Variants in VPS13A observed in about 807,000 individuals in gnomAD.
The protein encoded by VPS13A is vacuolar protein sorting 13 homolog A.
A neutral mutation model predicts 390.9 loss-of-function variants in VPS13A; 264 were observed. The observed-to-expected ratio is 0.68, with a 90% confidence interval of 0.61 to 0.75. The LOEUF (loss-of-function observed/expected upper bound fraction) is 0.75, where lower values mean the gene tolerates loss of function less well. VPS13A is among the 30% of genes least tolerant of loss of function. The pLI, the probability that VPS13A is intolerant of heterozygous loss-of-function variation, is 0.00. For missense variants in VPS13A, 3,409 were observed against 3,733.9 expected (o/e 0.91, Z 2.27); for synonymous variants, 1,231 against 1,227.1 (o/e 1.00, Z -0.07).
At chr9:77,200,911 G>A (rs1282754869) in intron 2 of VPS13A, among the ~76,000 whole-genome samples, 2 of 152,108 alleles carry the variant, frequency 1.3e-5, no homozygotes, top group African/African-American at 2.4e-5. Context: ...ATGTTTTTGC[G>A]AGTGGATATC....
At chr9:77,227,568 G>A in intron 16 of VPS13A, 83 bp downstream of exon 16, 1 of 1,100,448 alleles carries the variant, frequency 9.1e-7, no homozygotes, top group Non-Finnish European at 1.3e-6. Context: ...TGTTGCCCAG[G>A]CTGGACTGCA....
At chr9:77,360,089 A>T (rs958352379) in intron 58 of VPS13A, among the ~76,000 whole-genome samples, 2 of 152,058 alleles carry the variant, frequency 1.3e-5, no homozygotes, top group African/African-American at 4.8e-5. Flanking sequence ...ACCTATCTTT[A>T]TTTCCTTGCT....
At chr9:77,224,558 C>G (rs1054102865) in intron 13 of VPS13A, among the ~76,000 whole-genome samples, 3 of 152,078 alleles carry the variant, frequency 2.0e-5, no homozygotes. Flanking sequence ...GGTGGAAATA[C>G]GAAGAGAACT....
chr9:77,334,314 A>G (rs1000244453), intron 46 of VPS13A, among the ~76,000 whole-genome samples: 3 of 151,918 alleles, frequency 2.0e-5, no homozygotes, highest in Non-Finnish European at 4.4e-5. Context: ...TATTAGTTTG[A>G]TCTGTTTTTT....
At chr9:77,383,016 A>T in intron 68 of VPS13A, 1 of 985,278 alleles carries the variant, frequency 1.0e-6, no homozygotes, top group Non-Finnish European at 1.2e-6. Context: ...ACAAGGAATC[A>T]TTATGTTATG....
At chr9:77,189,403 G>T (rs1006194116) in intron 1 of VPS13A, among the ~76,000 whole-genome samples, 1 of 152,016 alleles carries the variant, frequency 6.6e-6, no homozygotes, top group Non-Finnish European at 1.5e-5. Flanking sequence ...GTTAAAATCA[G>T]ATGGTTGTAG....
intron 31 of VPS13A, among the ~76,000 whole-genome samples, chr9:77,289,268 T>C (rs781123012): frequency 3.3e-5 from 5 of 152,202 alleles, no homozygotes; most frequent in Non-Finnish European, 4.4e-5. Context: ...TTTAGATCTT[T>C]CTTTTTTATC....
intron 71 of VPS13A, 77 bp from the exon 72 acceptor site, chr9:77,415,879 A>G (rs1835151429): frequency 6.5e-7 from 1 of 1,546,672 alleles, no homozygotes. Context: ...GCTAACTTCT[A>G]GATCTCCATT....
At chr9:77,275,121 A>G (rs931990611) in intron 24 of VPS13A, among the ~76,000 whole-genome samples, 1 of 152,142 alleles carries the variant, frequency 6.6e-6, no homozygotes, top group Admixed American at 6.5e-5. Context: ...AGGTAGAGTG[A>G]GCATATTAAC....
At chr9:77,384,516 C>G in intron 68 of VPS13A, 1 of 1,593,960 alleles carries the variant, frequency 6.3e-7, no homozygotes, top group South Asian at 1.1e-5. Context: ...CATAATCTTA[C>G]ATGTTTTCAA....
At chr9:77,274,408 C>T (rs1402152303) in intron 24 of VPS13A, among the ~76,000 whole-genome samples, 2 of 126,768 alleles carry the variant, frequency 1.6e-5, no homozygotes, top group African/African-American at 6.0e-5. Flanking sequence ...AGCCTGGTGA[C>T]AGAGCGAGAG....
chr9:77,416,377 A>T lies in VPS13A; in HGVS notation c.*371A>T, dbSNP rs1441425649. 1 of 229,094 alleles carries T rather than the reference A, an allele frequency of 4.4e-6. No homozygotes were observed. Among genetic ancestry groups the T allele is most frequent in the Non-Finnish European group, 8.8e-6 (1 of 113,990 alleles). 14.2% of individuals were successfully genotyped at this position (229,094 alleles called of 1,614,324 possible). A position where few individuals can be genotyped will look rare whatever the true frequency, so the allele number is the denominator to read the frequency against. On this transcript the variant is annotated 3_prime_UTR_variant, in exon 72 of 72. Coordinates refer to ENST00000360280, the MANE Select transcript of VPS13A (RefSeq NM_033305.3). ...TTCATCTCCACATGGAGCCAAGTTTAATGTTTCTAGTTCACATTTTGTACT... is the reference window on the plus strand; with the variant it reads ...TTCATCTCCACATGGAGCCAAGTTTTATGTTTCTAGTTCACATTTTGTACT...
intron 26 of VPS13A, among the ~76,000 whole-genome samples, chr9:77,276,763 T>C (rs1416613831): frequency 6.6e-6 from 1 of 152,190 alleles, no homozygotes; most frequent in Non-Finnish European, 1.5e-5. Context: ...CAGTTGCTTT[T>C]TTGCACGTAG....
At chr9:77,373,574 G>A (rs933851138) in intron 67 of VPS13A, among the ~76,000 whole-genome samples, 2 of 146,056 alleles carry the variant, frequency 1.4e-5, no homozygotes, top group South Asian at 2.3e-4. Context: ...ACATAGGCAT[G>A]GGCAAGGACT....
At chr9:77,199,626 C>G (rs2131102334) in intron 1 of VPS13A, among the ~76,000 whole-genome samples, 1 of 151,962 alleles carries the variant, frequency 6.6e-6, no homozygotes, top group African/African-American at 2.4e-5. Context: ...ATGTAGTTTA[C>G]TTTTTGCATG....
intron 68 of VPS13A, among the ~76,000 whole-genome samples, chr9:77,391,686 A>G (rs2131629891): frequency 6.6e-6 from 1 of 152,328 alleles, no homozygotes. Flanking sequence ...TGAGTTAGAG[A>G]TCTTATGAAG....
At chr9:77,366,609 G>A in intron 60 of VPS13A, 118 bp from the exon 61 acceptor site, 1 of 866,774 alleles carries the variant, frequency 1.2e-6, no homozygotes, top group Admixed American at 2.5e-5. Flanking sequence ...ACATAATCCA[G>A]ATAACTTTGA....
intron 68 of VPS13A, among the ~76,000 whole-genome samples, chr9:77,394,470 G>A (rs1314667945): frequency 6.6e-6 from 1 of 152,174 alleles, no homozygotes; most frequent in Non-Finnish European, 1.5e-5. Flanking sequence ...TTGGGAGACT[G>A]AGGCAAGAGG....
At position 77,342,093 on chromosome 9, in the gene VPS13A, A is replaced by G. The variant is rs546548813; in HGVS notation, c.7026+1543A>G. On this transcript the variant is annotated intron_variant, in intron 50 of 71. Transcript: ENST00000360280. ...TTAGGATGGGACTCATTGGAGTGAC[A>G]TTTGAACAGTGCCTTCGAGGAAATG... Among the ~76,000 whole-genome samples the G allele has an allele frequency of 2.0e-5, 3 of 152,218 alleles. No homozygotes were observed. The South Asian group carries it at 6.2e-4, about 32-fold the overall frequency.
Sources: allele counts gnomAD v4.1 joint callset (sites outside exome capture counted in the v4.1 genomes callset), GRCh38; gene constraint gnomAD v4.1.1; transcripts MANE v1.5; gene names NCBI Gene and HGNC (gene_info 2026-07-23, HGNC 2026-07-21).